The following CTBP2 variants were observed in gnomAD, a reference collection of about 807,000 sequenced individuals.
CTBP2 encodes C-terminal binding protein 2, also known as C-terminal-binding protein 2.
CTBP2 carries 30 observed loss-of-function variants against 80.3 expected under a neutral mutation model. The ratio of observed to expected loss-of-function variants is 0.37; its 90% confidence interval spans 0.28 to 0.51. The LOEUF (loss-of-function observed/expected upper bound fraction) is 0.51. Ranked by LOEUF, CTBP2 falls within the 20% of genes least tolerant of loss-of-function variation. The pLI, the probability that CTBP2 is intolerant of heterozygous loss-of-function variation, is 0.93. For synonymous variants in CTBP2, 594 were observed against 587.4 expected (o/e 1.01, Z -0.16); for missense variants, 1,212 against 1,375.3 (o/e 0.88, Z 1.88).
chr10:125,145,786 C>T (rs1858663541), intron 1 of CTBP2, among the ~76,000 whole-genome samples: 1 of 152,166 alleles, frequency 6.6e-6, no homozygotes. Context: ...GCACACTCTC[C>T]AGGATTTGCA....
chr10:125,069,217 A>G (rs1450280047), intron 2 of CTBP2, among the ~76,000 whole-genome samples: 1 of 152,236 alleles, frequency 6.6e-6, no homozygotes, highest in Non-Finnish European at 1.5e-5. Context: ...TTCTATTGAC[A>G]ACACTACAAA....
chr10:125,060,954 G>A (rs1362307430), intron 2 of CTBP2, among the ~76,000 whole-genome samples: 1 of 152,206 alleles, frequency 6.6e-6, no homozygotes, highest in Non-Finnish European at 1.5e-5. Flanking sequence ...CCCTGTTCTG[G>A]AATCTTCCGG....
At chr10:125,136,506 G>A (rs1856994466) in intron 1 of CTBP2, among the ~76,000 whole-genome samples, 1 of 152,196 alleles carries the variant, frequency 6.6e-6, no homozygotes, top group African/African-American at 2.4e-5. Flanking sequence ...CATTAGCCTT[G>A]AGTTGAAGAA....
intron 1 of CTBP2, among the ~76,000 whole-genome samples, chr10:125,112,940 T>C (rs1161603410): frequency 2.0e-5 from 3 of 152,196 alleles, no homozygotes; most frequent in African/African-American, 7.2e-5. Flanking sequence ...CTCCCTGCTG[T>C]TTCCACTGAA....
chr10:125,067,557 G>A (rs986926266), intron 2 of CTBP2, among the ~76,000 whole-genome samples: 5 of 152,108 alleles, frequency 3.3e-5, no homozygotes, highest in Non-Finnish European at 7.4e-5. Context: ...CCATTTAGAA[G>A]GGAAAAAACT....
At position 125,027,224 on chromosome 10, in the gene CTBP2, G is replaced by A. The variant is rs777252208; in HGVS notation, c.536C>T (p.Thr179Ile). 3.1e-6 allele frequency: 5 copies of A among 1,613,318 alleles called. No individual in the cohort carries two copies. Among genetic ancestry groups the A allele is most frequent in the Non-Finnish European group, 4.2e-6 (5 of 1,179,774 alleles). The change falls in exon 1 of 9, where the codon ACA (threonine) becomes ATA (isoleucine). Residue 179 changes from threonine to isoleucine, a missense_variant. Coordinates refer to ENST00000309035, the MANE Select transcript of CTBP2 (RefSeq NM_022802.3). Reference sequence around the variant, plus strand: ...CCCGGGAGATGCAGCCCTGCTCTGTGTCTGCCGCCCCTGAGGGATCATTTT... The same window carrying A: ...CCCGGGAGATGCAGCCCTGCTCTGTATCTGCCGCCCCTGAGGGATCATTTT...
intron 2 of CTBP2, chr10:125,088,406 A>T (rs1152660): frequency 0.29 from 44,570 of 152,000 alleles, 7,027 homozygotes; most frequent in African/African-American, 0.37. Context: ...AGTTATAAAC[A>T]TACAAAGAAT....
chr10:125,004,813 C>T (rs1268183394), intron 1 of CTBP2, among the ~76,000 whole-genome samples: 1 of 152,160 alleles, frequency 6.6e-6, no homozygotes, highest in Non-Finnish European at 1.5e-5. Context: ...TGTGACATTC[C>T]CGGGATCACT....
At chr10:125,093,369 T>C (rs1484924183) in intron 2 of CTBP2, among the ~76,000 whole-genome samples, 1 of 152,202 alleles carries the variant, frequency 6.6e-6, no homozygotes, top group East Asian at 1.9e-4. Flanking sequence ...CTGTGTGCTG[T>C]TCTGAGAGAA....
At chr10:125,109,245 G>A (rs1016846707) in intron 2 of CTBP2, among the ~76,000 whole-genome samples, 5 of 152,196 alleles carry the variant, frequency 3.3e-5, no homozygotes, top group Non-Finnish European at 7.3e-5. Flanking sequence ...TCCATCCAGC[G>A]GAGATGCTCC....
chr10:125,036,727 T>C (rs905441718), intron 3 of CTBP2, among the ~76,000 whole-genome samples: 8 of 138,778 alleles, frequency 5.8e-5, no homozygotes, highest in Non-Finnish European at 9.3e-5. Context: ...TTGTGTGTGT[T>C]AGATGTTCAA....
intron 1 of CTBP2, among the ~76,000 whole-genome samples, chr10:125,147,706 C>T (rs12772838): frequency 0.052 from 7,874 of 152,070 alleles, 239 homozygotes; most frequent in Middle Eastern, 0.075. Flanking sequence ...ATGAGCAGTC[C>T]GGGCAACATG....
chr10:125,126,691 A>G (rs1855318860), intron 1 of CTBP2, among the ~76,000 whole-genome samples: 1 of 152,102 alleles, frequency 6.6e-6, no homozygotes, highest in Non-Finnish European at 1.5e-5. Context: ...AGGCGCCAAC[A>G]TTCCTTATTT....
At position 124,986,512 on chromosome 10, in the gene CTBP2, T is replaced by C. The variant is rs1329416498; in HGVS notation, c.*3006A>G. On this transcript the variant is annotated 3_prime_UTR_variant, in exon 9 of 9. Coordinates refer to ENST00000309035, the MANE Select transcript of CTBP2 (RefSeq NM_022802.3). ...CCCCCGAAAACTCAGTAAAAAGGTGTTCCCAGGATGAAAAGATCATTTTTT... is the reference window on the plus strand; with the variant it reads ...CCCCCGAAAACTCAGTAAAAAGGTGCTCCCAGGATGAAAAGATCATTTTTT... 1 of 152,216 alleles carries C rather than the reference T, an allele frequency of 6.6e-6. No individual in the cohort carries two copies. The highest frequency in any genetic ancestry group is 2.4e-5 in the African/African-American group (1 of 41,450). 9.4% of individuals were successfully genotyped at this position (152,216 alleles called of 1,614,324 possible).
chr10:125,055,836 A>T (rs952123266), intron 2 of CTBP2, among the ~76,000 whole-genome samples: 24 of 152,336 alleles, frequency 1.6e-4, no homozygotes, highest in African/African-American at 5.8e-4. Flanking sequence ...AGGCTCCAAG[A>T]GGCTGGAACG....
At chr10:125,159,905 A>ACGCCGCCGC (rs914402297) in intron 1 of CTBP2, 6 of 147,964 alleles carry the variant, frequency 4.1e-5, no homozygotes, top group South Asian at 3.7e-4. Flanking sequence ...CGTCGCCGAG[A>ACGCCGCCGC]CGCCGCCGCC....
intron 1 of CTBP2, among the ~76,000 whole-genome samples, chr10:125,018,668 C>T (rs1030420144): frequency 7.9e-5 from 12 of 152,326 alleles, no homozygotes; most frequent in African/African-American, 2.4e-4. Flanking sequence ...TCCCCTACCT[C>T]GGCCCTGGCA....
At chr10:125,057,528 CT>C (rs2135293948) in intron 2 of CTBP2, among the ~76,000 whole-genome samples, 1 of 152,324 alleles carries the variant, frequency 6.6e-6, no homozygotes, top group African/African-American at 2.4e-5. Context: ...CCGACTGAGT[CT>C]TTTGGGGATG....
intron 2 of CTBP2, 109 bp from the exon 5 acceptor site, chr10:125,003,213 C>T: frequency 6.3e-7 from 1 of 1,583,868 alleles, no homozygotes; most frequent in South Asian, 1.1e-5. Flanking sequence ...CAGAGGAGTT[C>T]AGCAGGAAAG....
Sources: gnomAD v4.1 joint callset for allele counts (sites outside exome capture counted in the v4.1 genomes callset) on GRCh38, gnomAD v4.1.1 for gene constraint, MANE v1.5 for transcripts, NCBI Gene and HGNC (gene_info 2026-07-23, HGNC 2026-07-21) for gene names.